LIN28B: variants seen among roughly 807,000 people sequenced by gnomAD.
The protein encoded by LIN28B is lin-28 RNA binding posttranscriptional regulator B, also known as protein lin-28 homolog B.
A neutral mutation model predicts 21.9 loss-of-function variants in LIN28B; 5 were observed. The ratio of observed to expected loss-of-function variants is 0.23; its 90% CI spans 0.12 to 0.48. The LOEUF is 0.48. LIN28B is among the 20% of genes least tolerant of loss of function. LIN28B has a pLI of 0.98. For synonymous variants in LIN28B, 109 were observed against 111.3 expected, an observed-to-expected ratio of 0.98 and a Z score of 0.13; for missense variants, 245 against 310.5, an observed-to-expected ratio of 0.79 and a Z score of 1.58.
intron 2 of LIN28B, among the ~76,000 whole-genome samples, chr6:104,966,036 C>T (rs1769848429): frequency 6.6e-6 from 1 of 152,042 alleles, no homozygotes; most frequent in Non-Finnish European, 1.5e-5. Flanking sequence ...AATCGGAGGA[C>T]AAAAATAGTA....
intron 2 of LIN28B, among the ~76,000 whole-genome samples, chr6:104,946,648 A>G (rs1002091821): frequency 3.9e-5 from 6 of 152,150 alleles, no homozygotes; most frequent in Non-Finnish European, 8.8e-5. Flanking sequence ...TGTAATATTA[A>G]TATGTTTGCT....
At chr6:104,987,372 G>A (rs1233649638) in intron 2 of LIN28B, among the ~76,000 whole-genome samples, 5 of 152,090 alleles carry the variant, frequency 3.3e-5, no homozygotes, top group Non-Finnish European at 5.9e-5. Flanking sequence ...TTCTGGTGGG[G>A]ATGGGGAGAC....
At chr6:104,979,512 A>G (rs1203034008) in intron 2 of LIN28B, among the ~76,000 whole-genome samples, 1 of 152,086 alleles carries the variant, frequency 6.6e-6, no homozygotes, top group East Asian at 1.9e-4. Flanking sequence ...CCAGCCAAAG[A>G]TGATTTTTAA....
chr6:104,966,919 C>A (rs1363448137), intron 2 of LIN28B, among the ~76,000 whole-genome samples: 4 of 152,056 alleles, frequency 2.6e-5, no homozygotes, highest in African/African-American at 9.7e-5. Context: ...CCGCGCCCAA[C>A]CTCTGGCTGA....
intron 2 of LIN28B, among the ~76,000 whole-genome samples, chr6:104,945,700 A>C (rs894821351): frequency 1.3e-5 from 2 of 152,120 alleles, no homozygotes; most frequent in African/African-American, 2.4e-5. Flanking sequence ...GCTCGATTAC[A>C]TAAAGTTATT....
chr6:105,012,106 C>A (rs1372441136), intron 2 of LIN28B, among the ~76,000 whole-genome samples: 1 of 149,716 alleles, frequency 6.7e-6, no homozygotes, highest in Non-Finnish European at 1.5e-5. Flanking sequence ...TGCAGTGAGC[C>A]GAGATTGCGC....
intron 2 of LIN28B, among the ~76,000 whole-genome samples, chr6:104,967,184 T>C (rs1769879002): frequency 6.6e-6 from 1 of 152,204 alleles, no homozygotes; most frequent in African/African-American, 2.4e-5. Flanking sequence ...CAATATAATA[T>C]TAATTTCATT....
intron 3 of LIN28B, among the ~76,000 whole-genome samples, chr6:105,066,912 G>T (rs1374904440): frequency 6.6e-6 from 1 of 151,914 alleles, no homozygotes; most frequent in African/African-American, 2.4e-5. Context: ...AAGCCTAAAA[G>T]AAATCATGCG....
At chr6:104,949,625 A>G (rs563450324) in intron 2 of LIN28B, among the ~76,000 whole-genome samples, 5 of 152,136 alleles carry the variant, frequency 3.3e-5, no homozygotes, top group Admixed American at 2.0e-4. Context: ...AGGAAAGACA[A>G]CTCTGGGTGT....
At chr6:105,041,451 A>G (rs1296419933) in intron 3 of LIN28B, among the ~76,000 whole-genome samples, 2 of 152,092 alleles carry the variant, frequency 1.3e-5, no homozygotes, top group Admixed American at 6.6e-5. Flanking sequence ...TATAGGTACT[A>G]TGGATTTCAG....
chr6:105,077,564 G>T (rs886871611), intron 3 of LIN28B, among the ~76,000 whole-genome samples: 2 of 152,124 alleles, frequency 1.3e-5, no homozygotes, highest in African/African-American at 4.8e-5. Context: ...CATGTCCCCA[G>T]TGTGCATTCA....
chr6:104,953,493 AG>A (rs1440130978), upstream of LIN28B, among the ~76,000 whole-genome samples: 4 of 152,226 alleles, frequency 2.6e-5, no homozygotes, highest in African/African-American at 7.2e-5. Context: ...TAGTGAAGGC[AG>A]GGATTTCTTT....
chr6:104,968,413 G>C (rs995664113), intron 2 of LIN28B, among the ~76,000 whole-genome samples: 3 of 152,104 alleles, frequency 2.0e-5, no homozygotes, highest in African/African-American at 7.2e-5. Context: ...AACTGTTTTT[G>C]CCAGTGCTTA....
Position 105,078,729 on chromosome 6 carries a change from A to C in LIN28B, c.699A>C (p.Ala233=). The change falls in exon 4 of 4, where the codon GCA becomes GCC. Residue 233 remains alanine, a synonymous_variant. Transcript: ENST00000345080. ...CTTCCTCCACGAAGTCATCTATAGC[A>C]CCAGAAGAGCAAAGCAAAAAGGGGC... The part of the protein sequence containing the change: ...QEASSTKSSI[A]PEEQSKKGPS... The C allele has an allele frequency of 6.2e-7, 1 of 1,614,116 alleles. No homozygotes were observed. Among genetic ancestry groups the C allele is most frequent in the Non-Finnish European group, 8.5e-7 (1 of 1,180,018 alleles).
chr6:105,047,970 A>T (rs573915041), intron 3 of LIN28B, among the ~76,000 whole-genome samples: 123 of 152,294 alleles, frequency 8.1e-4, no homozygotes, highest in African/African-American at 2.8e-3. Flanking sequence ...GCAAACAGGG[A>T]CAATTTGACT....
intron 2 of LIN28B, among the ~76,000 whole-genome samples, chr6:104,949,684 A>G (rs559323953): frequency 3.3e-5 from 5 of 152,278 alleles, no homozygotes; most frequent in Admixed American, 2.6e-4. Context: ...GCAAACCTTA[A>G]TAACTGACCC....
chr6:105,078,159 A>G (rs767742492), intron 3 of LIN28B, among the ~76,000 whole-genome samples: 20 of 152,224 alleles, frequency 1.3e-4, no homozygotes, highest in Admixed American at 2.0e-4. Flanking sequence ...ATATTCTTAC[A>G]TGTTTTAATA....
At chr6:105,070,275 A>T (rs1271188233) in intron 3 of LIN28B, among the ~76,000 whole-genome samples, 6 of 152,184 alleles carry the variant, frequency 3.9e-5, no homozygotes. Flanking sequence ...TTTCAAAATG[A>T]TTCTGAGTCA....
chr6:105,073,679 C>T (rs1772373291), intron 3 of LIN28B, among the ~76,000 whole-genome samples: 1 of 152,138 alleles, frequency 6.6e-6, no homozygotes, highest in Non-Finnish European at 1.5e-5. Context: ...TCCTAAGATA[C>T]ATTTTTTTCC....
Sources: allele counts gnomAD v4.1 joint callset (sites outside exome capture counted in the v4.1 genomes callset), GRCh38; gene constraint gnomAD v4.1.1; transcripts MANE v1.5; gene names NCBI Gene and HGNC (gene_info 2026-07-23, HGNC 2026-07-21).